The following CDC14B variants were observed in gnomAD, a reference collection of about 807,000 sequenced individuals.
CDC14B encodes the protein dual specificity protein phosphatase CDC14B.
CDC14B carries 22 observed loss-of-function variants against 64.2 expected under a neutral mutation model. The observed-to-expected ratio is 0.34, with a 90% CI of 0.24 to 0.49. The LOEUF is 0.49. Ranked by LOEUF, CDC14B falls within the 20% of genes least tolerant of loss-of-function variation. CDC14B has a pLI of 0.99. For synonymous variants in CDC14B, 191 were observed against 215.8 expected (o/e 0.89, Z 1.01); for missense variants, 498 against 629.9 (o/e 0.79, Z 2.24).
chr9:96,599,778 A>G (rs956754827), intron 1 of CDC14B, among the ~76,000 whole-genome samples: 1 of 151,866 alleles, frequency 6.6e-6, no homozygotes, highest in Non-Finnish European at 1.5e-5. Context: ...TCACTTTGTC[A>G]CCAGGCTGGA....
chr9:96,591,238 C>G (rs1016767102), intron 1 of CDC14B, among the ~76,000 whole-genome samples: 1 of 152,064 alleles, frequency 6.6e-6, no homozygotes, highest in African/African-American at 2.4e-5. Flanking sequence ...AGTTTCTGGT[C>G]TTATGTTTAG....
At chr9:96,538,467 C>T (rs932695698) in intron 7 of CDC14B, among the ~76,000 whole-genome samples, 4 of 152,206 alleles carry the variant, frequency 2.6e-5, no homozygotes, top group African/African-American at 9.7e-5. Flanking sequence ...CATCTGTGAT[C>T]CTAGCACTTT....
intron 1 of CDC14B, among the ~76,000 whole-genome samples, chr9:96,575,169 G>C (rs895902120): frequency 6.6e-6 from 1 of 152,174 alleles, no homozygotes; most frequent in Admixed American, 6.6e-5. Flanking sequence ...CCATGGATCC[G>C]GGGTGTTGAA....
At chr9:96,582,071 C>T (rs927554964) in intron 1 of CDC14B, among the ~76,000 whole-genome samples, 1 of 152,120 alleles carries the variant, frequency 6.6e-6, no homozygotes, top group Non-Finnish European at 1.5e-5. Flanking sequence ...TCCTGTTTTA[C>T]GACAAAGGGC....
intron 6 of CDC14B, 56 bp downstream of exon 6, chr9:96,541,770 T>TG (rs1439107117): frequency 4.0e-6 from 5 of 1,256,108 alleles, no homozygotes; most frequent in Non-Finnish European, 5.5e-6. Context: ...CTAGTTTTCT[T>TG]GGACCGCATG....
intron 1 of CDC14B, among the ~76,000 whole-genome samples, chr9:96,583,607 G>C (rs949033860): frequency 1.3e-5 from 2 of 151,886 alleles, no homozygotes; most frequent in Non-Finnish European, 2.9e-5. Flanking sequence ...TATTGGTCAG[G>C]CTGGTCTGGA....
chr9:96,589,903 G>A (rs1302853891), intron 1 of CDC14B, among the ~76,000 whole-genome samples: 4 of 151,594 alleles, frequency 2.6e-5, no homozygotes, highest in East Asian at 1.9e-4. Flanking sequence ...AGAGCTTGCC[G>A]TGAGCTGAGA....
chr9:96,585,214 T>C (rs1420588122), intron 1 of CDC14B, among the ~76,000 whole-genome samples: 3 of 127,972 alleles, frequency 2.3e-5, no homozygotes, highest in Middle Eastern at 3.7e-3. Flanking sequence ...ATTAAGGCAC[T>C]TTTTTTTTTT....
At chr9:96,540,370 C>A (rs1263845331) in intron 6 of CDC14B, among the ~76,000 whole-genome samples, 1 of 152,070 alleles carries the variant, frequency 6.6e-6, no homozygotes, top group Admixed American at 6.6e-5. Context: ...CGGTGGTGCA[C>A]GCCTGTAATC....
At chr9:96,562,030 C>T (rs559885814) in intron 4 of CDC14B, among the ~76,000 whole-genome samples, 1 of 152,296 alleles carries the variant, frequency 6.6e-6, no homozygotes, top group Non-Finnish European at 1.5e-5. Context: ...AAAAATAAAT[C>T]TTTTCCATCA....
At chr9:96,592,382 A>G (rs1327063012) in intron 1 of CDC14B, among the ~76,000 whole-genome samples, 1 of 152,224 alleles carries the variant, frequency 6.6e-6, no homozygotes, top group African/African-American at 2.4e-5. Context: ...CCAGCCAAAA[A>G]GCTGTTTTTG....
At chr9:96,619,153 G>C (rs986824927) in intron 1 of CDC14B, 66 bp downstream of exon 1, 1 of 1,192,748 alleles carries the variant, frequency 8.4e-7, no homozygotes, top group Non-Finnish European at 1.0e-6. Flanking sequence ...CCGGTGGGAG[G>C]TGGGCCAGGG....
chr9:96,564,699 A>T, intron 3 of CDC14B, 78 bp downstream of exon 3: 1 of 818,942 alleles, frequency 1.2e-6, no homozygotes, highest in Non-Finnish European at 1.9e-6. Context: ...TTCCTTTTTA[A>T]AAAGAGATGT....
At chr9:96,617,294 G>C (rs529757641) in intron 1 of CDC14B, among the ~76,000 whole-genome samples, 1 of 151,730 alleles carries the variant, frequency 6.6e-6, no homozygotes, top group South Asian at 2.1e-4. Context: ...ACTGCCTCAC[G>C]AAGACTAGCC....
At chr9:96,611,761 C>G (rs1206560607) in intron 1 of CDC14B, among the ~76,000 whole-genome samples, 4 of 152,006 alleles carry the variant, frequency 2.6e-5, no homozygotes, top group Admixed American at 6.6e-5. Context: ...AAAAAAAGAC[C>G]CTGTCTGCCA....
intron 7 of CDC14B, 89 bp downstream of exon 7, chr9:96,538,982 ATCTTAAG>A: frequency 1.3e-6 from 1 of 784,286 alleles, no homozygotes; most frequent in Non-Finnish European, 2.2e-6. Flanking sequence ...TACTTTGTAC[ATCTTAAG>A]TATATATAAG....
intron 12 of CDC14B, among the ~76,000 whole-genome samples, chr9:96,513,339 G>A (rs1382888572): frequency 6.6e-6 from 1 of 152,200 alleles, no homozygotes; most frequent in African/African-American, 2.4e-5. Context: ...TATCATGAGT[G>A]ACAGCACACA....
At chr9:96,608,632 T>A (rs577941906) in intron 1 of CDC14B, among the ~76,000 whole-genome samples, 53 of 152,288 alleles carry the variant, frequency 3.5e-4, no homozygotes, top group African/African-American at 1.3e-3. Context: ...TGCCTTCAAT[T>A]TAAGAAGCAA....
chr9:96,521,750 CA>C (rs940211663), intron 12 of CDC14B, among the ~76,000 whole-genome samples: 2 of 152,092 alleles, frequency 1.3e-5, no homozygotes, highest in Admixed American at 1.3e-4. Flanking sequence ...TCCCTCCCCG[CA>C]AAAAAGAAGG....
Sources: gnomAD v4.1 joint callset for allele counts (sites outside exome capture counted in the v4.1 genomes callset) on GRCh38, gnomAD v4.1.1 for gene constraint, MANE v1.5 for transcripts, NCBI Gene and HGNC (gene_info 2026-07-23, HGNC 2026-07-21) for gene names.